EBF2: variants seen among roughly 807,000 people sequenced by gnomAD.
The protein encoded by EBF2 is transcription factor COE2.
Under a neutral mutation model 72.8 loss-of-function variants are expected in EBF2, and 21 were observed. The observed-to-expected ratio is 0.29, with a 90% confidence interval of 0.20 to 0.42. The LOEUF is 0.42. Among genes scored for constraint, EBF2 ranks in the 10% least tolerant of loss-of-function variants. EBF2 has a pLI of 1.00. For synonymous variants in EBF2, 299 were observed against 274.2 expected (o/e 1.09, Z -0.89); for missense variants, 637 against 731.2 (o/e 0.87, Z 1.49).
chr8:25,918,026 C>T (rs2117131202), intron 6 of EBF2, among the ~76,000 whole-genome samples: 1 of 152,298 alleles, frequency 6.6e-6, no homozygotes, highest in East Asian at 1.9e-4. Flanking sequence ...TATTTCACAC[C>T]TGCCAGAACA....
intron 10 of EBF2, among the ~76,000 whole-genome samples, chr8:25,866,630 TATA>T (rs1393253808): frequency 2.0e-3 from 209 of 103,552 alleles, no homozygotes; most frequent in South Asian, 1.8e-3. Flanking sequence ...TATATATATA[TATA>T]TATTTTTTTT....
intron 6 of EBF2, among the ~76,000 whole-genome samples, chr8:26,020,439 T>C (rs1431715384): frequency 6.6e-6 from 1 of 152,234 alleles, no homozygotes; most frequent in Non-Finnish European, 1.5e-5. Flanking sequence ...ATTTTATTCT[T>C]CATCGGGGAA....
chr8:25,913,028 C>T (rs1294900933), intron 6 of EBF2, among the ~76,000 whole-genome samples: 1 of 152,154 alleles, frequency 6.6e-6, no homozygotes, highest in African/African-American at 2.4e-5. Flanking sequence ...CTGGAATTCT[C>T]ATCAATGGTC....
chr8:25,909,540 G>A (rs1398629170), intron 6 of EBF2, among the ~76,000 whole-genome samples: 1 of 152,008 alleles, frequency 6.6e-6, no homozygotes, highest in Non-Finnish European at 1.5e-5. Flanking sequence ...TCCATGTCTT[G>A]AATTAGAACT....
intron 7 of EBF2, among the ~76,000 whole-genome samples, chr8:25,898,939 G>C (rs1802901456): frequency 2.0e-5 from 3 of 152,160 alleles, no homozygotes; most frequent in Admixed American, 2.0e-4. Flanking sequence ...AAATATTTGA[G>C]CATTTAGATT....
chr8:25,968,691 A>C (rs1475371179), intron 6 of EBF2, among the ~76,000 whole-genome samples: 1 of 152,204 alleles, frequency 6.6e-6, no homozygotes, highest in Non-Finnish European at 1.5e-5. Flanking sequence ...GCCTCCCAGC[A>C]GCTGGGATTA....
intron 6 of EBF2, among the ~76,000 whole-genome samples, chr8:25,964,130 C>A (rs969651986): frequency 6.6e-6 from 1 of 151,986 alleles, no homozygotes; most frequent in Non-Finnish European, 1.5e-5. Context: ...TCTTGCACAC[C>A]CCAGTACAAG....
chr8:25,965,103 A>T (rs1055103565), intron 6 of EBF2, among the ~76,000 whole-genome samples: 1 of 152,228 alleles, frequency 6.6e-6, no homozygotes, highest in Non-Finnish European at 1.5e-5. Flanking sequence ...ATACACATAT[A>T]TATTTAATAC....
At chr8:25,896,144 G>C (rs773690366) in intron 7 of EBF2, among the ~76,000 whole-genome samples, 4 of 152,164 alleles carry the variant, frequency 2.6e-5, no homozygotes, top group Non-Finnish European at 4.4e-5. Context: ...AAAATGTGTG[G>C]AATCACCAAA....
chr8:25,886,389 C>T (rs189889790), intron 10 of EBF2, among the ~76,000 whole-genome samples: 1 of 152,320 alleles, frequency 6.6e-6, no homozygotes, highest in East Asian at 1.9e-4. Context: ...TGCTCTCCAA[C>T]ATCACTAGGC....
chr8:25,921,306 T>G (rs1803302835), intron 6 of EBF2, among the ~76,000 whole-genome samples: 1 of 152,230 alleles, frequency 6.6e-6, no homozygotes, highest in South Asian at 2.1e-4. Flanking sequence ...CATTAGAATT[T>G]TTTTAACTTT....
rs1435982974 is a variant in EBF2, at chr8:25,887,987, A to C, written c.752-15T>G. On this transcript the variant is annotated splice_polypyrimidine_tract_variant and intron_variant, in intron 8 of 15. Transcript: ENST00000520164. Reference sequence around the variant, plus strand: ...GCAGGGGGTAGCTAAGAAGACAGGAAAGAAAAAGTCAGGTTTGTTCTTTCA... The same window carrying C: ...GCAGGGGGTAGCTAAGAAGACAGGACAGAAAAAGTCAGGTTTGTTCTTTCA... The C allele has an allele frequency of 3.1e-6, 5 of 1,596,194 alleles. No individual in the cohort carries two copies. The African/African-American group carries it at 6.8e-5, about 22-fold the overall frequency.
intron 5 of EBF2, among the ~76,000 whole-genome samples, chr8:26,034,184 T>C (rs1004363596): frequency 1.3e-5 from 2 of 152,260 alleles, no homozygotes; most frequent in African/African-American, 4.8e-5. Context: ...CATTTATTCA[T>C]TCACTTATTT....
chr8:26,025,177 T>A (rs1420991432), intron 6 of EBF2, among the ~76,000 whole-genome samples: 1 of 152,076 alleles, frequency 6.6e-6, no homozygotes, highest in Non-Finnish European at 1.5e-5. Context: ...AAATTCAAGA[T>A]CTGTGTTCCG....
chr8:26,018,053 T>C, intron 6 of EBF2, among the ~76,000 whole-genome samples: 1 of 152,046 alleles, frequency 6.6e-6, no homozygotes, highest in Non-Finnish European at 1.5e-5. Context: ...AAAAAAATCT[T>C]ACAGCAAAGA....
At chr8:26,037,850 G>GGAA (rs1805529260) in intron 5 of EBF2, among the ~76,000 whole-genome samples, 1 of 151,760 alleles carries the variant, frequency 6.6e-6, no homozygotes, top group Non-Finnish European at 1.5e-5. Flanking sequence ...GATTTATTTT[G>GGAA]TCTCTGCTTT....
At chr8:25,956,139 C>T (rs1327975386) in intron 6 of EBF2, among the ~76,000 whole-genome samples, 2 of 151,966 alleles carry the variant, frequency 1.3e-5, no homozygotes, top group African/African-American at 4.8e-5. Flanking sequence ...AAATTGCTGG[C>T]CGGGTTCAGT....
rs80213212 is a variant in EBF2 at position 25,864,721 on chromosome 8, G to A, written c.1010-1924C>T. On this transcript the variant is annotated intron_variant, in intron 10 of 15. Coordinates refer to ENST00000520164, the MANE Select transcript of EBF2 (RefSeq NM_022659.4). ...GGGTAAAAGTCACCCTATTGAGGTT[G>A]TAATACATATTTAATATTTGATAGG... is the stretch of plus-strand genomic sequence containing the variant. Among the ~76,000 whole-genome samples, 111 of 151,860 alleles carry A rather than the reference G, an allele frequency of 7.3e-4. 1 individual carries two copies. Among genetic ancestry groups the A allele is most frequent in the African/African-American group, 2.5e-3 (104 of 41,408 alleles).
At chr8:25,853,226 A>T (rs979987405) in intron 14 of EBF2, among the ~76,000 whole-genome samples, 7 of 152,216 alleles carry the variant, frequency 4.6e-5, no homozygotes, top group Non-Finnish European at 7.4e-5. Flanking sequence ...GATTTGCCAC[A>T]TAATGAAAAA....
Sources: allele counts gnomAD v4.1 joint callset (sites outside exome capture counted in the v4.1 genomes callset), GRCh38; gene constraint gnomAD v4.1.1; transcripts MANE v1.5; gene names NCBI Gene and HGNC (gene_info 2026-07-23, HGNC 2026-07-21).